The following POPDC3 variants were observed in gnomAD, a reference collection of about 807,000 sequenced individuals.
POPDC3 encodes popeye domain-containing protein 3.
Under a neutral mutation model 28.2 loss-of-function variants are expected in POPDC3, and 20 were observed. The observed-to-expected ratio is 0.71, with a 90% CI of 0.50 to 1.03. POPDC3 has a LOEUF of 1.03. Among genes scored for constraint, POPDC3 ranks in the 50% least tolerant of loss-of-function variants. The pLI is 0.00. For missense variants in POPDC3, 316 were observed against 345.9 expected (o/e 0.91, Z 0.69); for synonymous variants, 118 against 124.1 (o/e 0.95, Z 0.33).
chr6:105,167,062 A>G (rs2114536171), intron 1 of POPDC3, among the ~76,000 whole-genome samples: 1 of 152,186 alleles, frequency 6.6e-6, no homozygotes, highest in East Asian at 1.9e-4. Context: ...AGCTTGGGAT[A>G]AGGCTTAATA....
chr6:105,158,470 T>C lies in POPDC3; in HGVS notation c.876A>G (p.Ter292TrpextTer20). The C allele has an allele frequency of 6.3e-7, 1 of 1,595,094 alleles. No individual in the cohort carries two copies. The highest frequency in any genetic ancestry group is 1.1e-5 in the South Asian group (1 of 88,460). ...FQNSRRYCDK[*>W] is the part of the protein sequence containing the mutation. ...TACTTATAAATTTCAGACTTTGATG[T>C]CATTTATCACAGTATCGTCTGGAAT... The change falls in exon 4 of 4, where the codon TGA (stop) becomes TGG (tryptophan). Residue 292 changes from the stop codon to tryptophan, a stop_lost. Coordinates refer to ENST00000254765, the MANE Select transcript of POPDC3 (RefSeq NM_022361.5).
intron 1 of POPDC3, among the ~76,000 whole-genome samples, chr6:105,176,621 A>G (rs1384024745): frequency 6.6e-6 from 1 of 151,952 alleles, no homozygotes; most frequent in Non-Finnish European, 1.5e-5. Flanking sequence ...CGGTGGCGCG[A>G]TCTCAGCTCA....
At chr6:105,172,915 T>C (rs1774609051) in intron 1 of POPDC3, among the ~76,000 whole-genome samples, 1 of 147,902 alleles carries the variant, frequency 6.8e-6, no homozygotes, top group Non-Finnish European at 1.5e-5. Flanking sequence ...AGGGATAGCA[T>C]TAGGAGATAT....
intron 2 of POPDC3, among the ~76,000 whole-genome samples, chr6:105,160,379 G>GT (rs1038628115): frequency 2.0e-5 from 3 of 151,784 alleles, no homozygotes; most frequent in African/African-American, 4.8e-5. Flanking sequence ...GTCCAGCTAA[G>GT]TTTTTTGTAT....
intron 1 of POPDC3, among the ~76,000 whole-genome samples, chr6:105,167,317 T>C (rs887658568): frequency 1.3e-5 from 2 of 151,938 alleles, no homozygotes; most frequent in Non-Finnish European, 2.9e-5. Context: ...GGATAAGGGG[T>C]AGGATAAAGG....
rs1193071367 is a variant in POPDC3, at chr6:105,179,901, G to C, written c.-320C>G. The C allele has an allele frequency of 6.6e-6, 1 of 151,682 alleles. No individual in the cohort carries two copies. The highest frequency in any genetic ancestry group is 1.9e-4 in the East Asian group (1 of 5,132). 9.4% of individuals were successfully genotyped at this position (151,682 alleles called of 1,614,324 possible). Reference sequence around the variant, plus strand: ...AGAAGTTTCCCGGCGGAGCGCGCTTGACCCGGGTGGCCCGCGCGGAAGCCC... The same window carrying C: ...AGAAGTTTCCCGGCGGAGCGCGCTTCACCCGGGTGGCCCGCGCGGAAGCCC... On this transcript the variant is annotated 5_prime_UTR_variant, in exon 1 of 4. Transcript: ENST00000254765.
chr6:105,171,671 A>AAAT (rs752168743), intron 1 of POPDC3, among the ~76,000 whole-genome samples: 11 of 150,724 alleles, frequency 7.3e-5, no homozygotes, highest in East Asian at 3.9e-4. Flanking sequence ...ACTCTGTCTC[A>AAAT]AATAATAATA....
chr6:105,165,374 T>C (rs143417817), intron 1 of POPDC3, among the ~76,000 whole-genome samples: 149 of 152,358 alleles, frequency 9.8e-4, no homozygotes, highest in African/African-American at 3.5e-3. Context: ...TGCTGTATTA[T>C]TCAATATTGA....
chr6:105,157,936 T>G lies in POPDC3; in HGVS notation c.*534A>C, dbSNP rs1161042991. Among the ~76,000 whole-genome samples the G allele has an allele frequency of 6.6e-6, 1 of 152,260 alleles. No homozygotes were observed. Among genetic ancestry groups the G allele is most frequent in the African/African-American group, 2.4e-5 (1 of 41,476 alleles). ...TGTTATTTTATTTGTAGCAATAAAA[T>G]AGGCTTCAAGATTCACATATTATTA... On this transcript the variant is annotated 3_prime_UTR_variant, in exon 4 of 4. Transcript: ENST00000254765.
Position 105,179,912 on chromosome 6 carries a change from C to A in POPDC3, c.-331G>T, listed in dbSNP as rs2114553657. 6.6e-6 allele frequency: 1 copy of A among 151,582 alleles called. No individual in the cohort carries two copies. The highest frequency in any genetic ancestry group is 2.4e-5 in the African/African-American group (1 of 41,466). The allele number at this position is 151,582 out of a possible 1,614,324, so 9.4% of individuals were successfully genotyped here. On this transcript the variant is annotated 5_prime_UTR_variant, in exon 1 of 4. Transcript: ENST00000254765. ...GGCGGAGCGCGCTTGACCCGGGTGG[C>A]CCGCGCGGAAGCCCTCAGCGTCCCC...
In POPDC3 at chr6:105,161,574, G is replaced by A. The variant is rs147939005; in HGVS notation, c.336C>T (p.Tyr112=). The change falls in exon 2 of 4, where the codon TAC becomes TAT. Residue 112 remains tyrosine, a synonymous_variant. Coordinates refer to ENST00000254765, the MANE Select transcript of POPDC3 (RefSeq NM_022361.5). Reference sequence around the variant, plus strand: ...TCCCCAGGGGCTGGAAAAGGGAGCTGTACAACACTTGGAATTCTCGGGCAA... The same window carrying A: ...TCCCCAGGGGCTGGAAAAGGGAGCTATACAACACTTGGAATTCTCGGGCAA... ...ITFAREFQVL[Y]SSLFQPLGIS... 8 of 1,614,040 alleles carry A rather than the reference G, an allele frequency of 5.0e-6. No individual in the cohort carries two copies. The Admixed American group carries it at 1.2e-4, about 24-fold the overall frequency.
Position 105,158,165 on chromosome 6 carries a change from G to T in POPDC3, c.*305C>A. 3.4e-6 allele frequency: 1 copy of T among 295,458 alleles called. No homozygotes were observed. The highest frequency in any genetic ancestry group is 6.3e-6 in the Non-Finnish European group (1 of 158,522). The allele number at this position is 295,458 out of a possible 1,614,324, so 18.3% of individuals were successfully genotyped here. On this transcript the variant is annotated 3_prime_UTR_variant, in exon 4 of 4. Coordinates refer to ENST00000254765, the MANE Select transcript of POPDC3 (RefSeq NM_022361.5). ...GTCTATAGGGCAAGACAATGCATTT[G>T]AGTAAATGTGAGAAAAGAATTGAGA...
intron 3 of POPDC3, among the ~76,000 whole-genome samples, 181 bp downstream of exon 3, chr6:105,159,530 A>G (rs1774272882): frequency 6.6e-6 from 1 of 152,224 alleles, no homozygotes; most frequent in African/African-American, 2.4e-5. Flanking sequence ...CGCTGGACCT[A>G]TAAAGTGGCA....
chr6:105,166,466 T>TG (rs1774457097), intron 1 of POPDC3: 2 of 262,870 alleles, frequency 7.6e-6, no homozygotes, highest in African/African-American at 9.2e-5. Context: ...AGGTGACAGG[T>TG]GGGGGTGGGG....
rs1298697558 is a variant in POPDC3, at chr6:105,158,450, A to T, written c.*20T>A. The stretch of plus-strand genomic sequence containing the variant: ...GAAGAGAGAGTCTTTTTTTATACTT[A>T]TAAATTTCAGACTTTGATGTCATTT... On this transcript the variant is annotated 3_prime_UTR_variant, in exon 4 of 4. Transcript: ENST00000254765. The T allele has an allele frequency of 6.4e-7, 1 of 1,572,498 alleles. No homozygotes were observed. Among genetic ancestry groups the T allele is most frequent in the Admixed American group, 1.8e-5 (1 of 54,284 alleles).
chr6:105,174,964 C>T (rs969759018), intron 1 of POPDC3, among the ~76,000 whole-genome samples: 5 of 150,968 alleles, frequency 3.3e-5, no homozygotes, highest in African/African-American at 1.2e-4. Context: ...GTCAGGAATT[C>T]GAGACTGGCC....
Position 105,159,814 on chromosome 6 carries a change from C to A in POPDC3, c.491G>T (p.Arg164Ile). 6.2e-7 allele frequency: 1 copy of A among 1,607,596 alleles called. No individual in the cohort carries two copies. The highest frequency in any genetic ancestry group is 1.1e-5 in the South Asian group (1 of 90,902). The change falls in exon 3 of 4, where the codon AGA (arginine) becomes ATA (isoleucine). Residue 164 changes from arginine to isoleucine, a missense_variant. Physicochemically the swap from Arg to Ile is moderately conservative, Grantham distance 97. Coordinates refer to ENST00000254765, the MANE Select transcript of POPDC3 (RefSeq NM_022361.5). The stretch of plus-strand genomic sequence containing the variant: ...CAGAAATTCGCCATCAACTGTCACT[C>A]TGATCCTATCAAAACACAAGAACAA... ...KLSLLVSGRI[R>I]VTVDGEFLHY...
At chr6:105,177,742 C>T (rs1774708136) in intron 1 of POPDC3, among the ~76,000 whole-genome samples, 1 of 152,170 alleles carries the variant, frequency 6.6e-6, no homozygotes, top group Admixed American at 6.5e-5. Context: ...AATACTACCC[C>T]ACAACACCTT....
At chr6:105,171,645 T>G (rs935068097) in intron 1 of POPDC3, among the ~76,000 whole-genome samples, 1 of 151,910 alleles carries the variant, frequency 6.6e-6, no homozygotes, top group African/African-American at 2.4e-5. Context: ...CACTCCAGCC[T>G]GAGCGACAGA....
Sources: allele counts gnomAD v4.1 joint callset (sites outside exome capture counted in the v4.1 genomes callset), GRCh38; gene constraint gnomAD v4.1.1; transcripts MANE v1.5; gene names NCBI Gene and HGNC (gene_info 2026-07-23, HGNC 2026-07-21).